The following FTO variants were observed in gnomAD, a reference collection of about 807,000 sequenced individuals.
FTO encodes the protein FTO alpha-ketoglutarate dependent dioxygenase, also known as alpha-ketoglutarate-dependent dioxygenase FTO.
Under a neutral mutation model 63.9 loss-of-function variants are expected in FTO, and 47 were observed. The ratio of observed to expected loss-of-function variants is 0.74; its 90% CI spans 0.58 to 0.94. The LOEUF (loss-of-function observed/expected upper bound fraction) is 0.94, where lower values mean the gene tolerates loss of function less well. Ranked by LOEUF, FTO falls within the 40% of genes least tolerant of loss-of-function variation. The pLI is 0.00. For synonymous variants in FTO, 207 were observed against 224.4 expected (o/e 0.92, Z 0.69); for missense variants, 562 against 618.1 (o/e 0.91, Z 0.96).
chr16:53,723,148 T>C (rs1472329836), intron 1 of FTO, among the ~76,000 whole-genome samples: 1 of 152,212 alleles, frequency 6.6e-6, no homozygotes, highest in African/African-American at 2.4e-5. Flanking sequence ...TTTGTAGCTG[T>C]AAAGATATAT....
chr16:53,935,179 A>G (rs1024312399), intron 8 of FTO, among the ~76,000 whole-genome samples: 3 of 152,222 alleles, frequency 2.0e-5, no homozygotes, highest in Non-Finnish European at 4.4e-5. Context: ...CAGGAAGCGT[A>G]TGGCATATTT....
intron 7 of FTO, among the ~76,000 whole-genome samples, chr16:53,921,708 G>A (rs1467048804): frequency 1.3e-5 from 2 of 152,186 alleles, no homozygotes; most frequent in Non-Finnish European, 1.5e-5. Flanking sequence ...GTATGTCCAT[G>A]TTTAATTCTA....
chr16:53,997,812 TGA>T (rs1482871288), intron 8 of FTO, among the ~76,000 whole-genome samples: 1 of 152,074 alleles, frequency 6.6e-6, no homozygotes, highest in African/African-American at 2.4e-5. Context: ...AGTGAATAAA[TGA>T]GAGGGGAGAA....
intron 8 of FTO, chr16:53,937,578 A>G (rs2082419273): frequency 7.7e-6 from 2 of 259,456 alleles, no homozygotes; most frequent in Non-Finnish European, 7.2e-6. Flanking sequence ...ATGATTACCA[A>G]ATTATATGGA....
At chr16:53,801,515 C>A (rs1026564758) in intron 1 of FTO, among the ~76,000 whole-genome samples, 5 of 152,042 alleles carry the variant, frequency 3.3e-5, no homozygotes, top group Non-Finnish European at 5.9e-5. Flanking sequence ...GTTACCATTT[C>A]TGATACTCTT....
Position 53,902,884 on chromosome 16 carries a change from G to A in FTO, c.1239+13933G>A, listed in dbSNP as rs139715190. On this transcript the variant is annotated intron_variant, in intron 7 of 8. Coordinates refer to ENST00000471389, the MANE Select transcript of FTO (RefSeq NM_001080432.3). ...ATTCTAGCTCTTAGAGAGACTGAGG[G>A]GCGAGGATCACTTCAGACTAAGAGT... is the stretch of plus-strand genomic sequence containing the variant. Among the ~76,000 whole-genome samples the A allele has an allele frequency of 1.5e-3, 230 of 152,260 alleles. 2 individuals carry two copies. The highest frequency in any genetic ancestry group is 5.3e-3 in the African/African-American group (219 of 41,550).
intron 8 of FTO, among the ~76,000 whole-genome samples, chr16:54,025,093 T>G (rs1346301194): frequency 6.6e-6 from 1 of 152,218 alleles, no homozygotes; most frequent in African/African-American, 2.4e-5. Context: ...GGGTCTTGAA[T>G]CCTTAATGAA....
chr16:54,032,798 G>T (rs571924934), intron 8 of FTO, among the ~76,000 whole-genome samples: 1 of 152,110 alleles, frequency 6.6e-6, no homozygotes, highest in African/African-American at 2.4e-5. Flanking sequence ...GGAGGTGTTT[G>T]GGTCCTGGGG....
chr16:54,049,043 A>G (rs1227792678), intron 8 of FTO, among the ~76,000 whole-genome samples: 2 of 151,898 alleles, frequency 1.3e-5, no homozygotes, highest in Non-Finnish European at 2.9e-5. Flanking sequence ...CCCAGCAGCC[A>G]GATGCCACTG....
At chr16:53,866,199 G>A (rs2080309410) in intron 4 of FTO, among the ~76,000 whole-genome samples, 4 of 152,016 alleles carry the variant, frequency 2.6e-5, no homozygotes, top group Admixed American at 2.6e-4. Context: ...GATTATATTA[G>A]TTGATTTTTG....
At chr16:54,110,050 C>A (rs191590078) in intron 8 of FTO, among the ~76,000 whole-genome samples, 3 of 152,246 alleles carry the variant, frequency 2.0e-5, no homozygotes, top group African/African-American at 7.2e-5. Flanking sequence ...TGTAATTAGT[C>A]GCAGCTTTCC....
chr16:53,934,236 A>ACG, intron 8 of FTO, 127 bp downstream of exon 8: 2 of 979,910 alleles, frequency 2.0e-6, no homozygotes, highest in Non-Finnish European at 3.2e-6. Flanking sequence ...CACGTTTAAG[A>ACG]TGCTTTCAGC....
At chr16:54,088,781 G>A (rs1324139043) in intron 8 of FTO, among the ~76,000 whole-genome samples, 1 of 152,154 alleles carries the variant, frequency 6.6e-6, no homozygotes, top group Non-Finnish European at 1.5e-5. Flanking sequence ...CATGTCCCTT[G>A]AACTACCACT....
intron 8 of FTO, among the ~76,000 whole-genome samples, chr16:54,103,033 G>T (rs749363920): frequency 6.6e-6 from 1 of 152,068 alleles, no homozygotes; most frequent in African/African-American, 2.4e-5. Context: ...ATGCCTGCCT[G>T]TACTCCCACC....
intron 8 of FTO, among the ~76,000 whole-genome samples, chr16:53,967,351 G>A (rs1198362398): frequency 1.3e-5 from 2 of 152,094 alleles, no homozygotes. Context: ...GTAGTCAGCT[G>A]GGATGTAATT....
intron 8 of FTO, among the ~76,000 whole-genome samples, chr16:53,987,455 C>T (rs1211948770): frequency 2.6e-5 from 4 of 151,910 alleles, no homozygotes; most frequent in East Asian, 3.9e-4. Flanking sequence ...TGGTGGCATG[C>T]GCCTGTAATC....
chr16:53,976,965 C>G (rs2083448908), intron 8 of FTO, among the ~76,000 whole-genome samples: 1 of 152,106 alleles, frequency 6.6e-6, no homozygotes, highest in South Asian at 2.1e-4. Context: ...TTGCCTTTCT[C>G]TCTCCAATGT....
intron 8 of FTO, among the ~76,000 whole-genome samples, chr16:54,050,264 A>T (rs1200642874): frequency 3.3e-5 from 5 of 152,214 alleles, no homozygotes; most frequent in African/African-American, 1.2e-4. Context: ...GAGAGATCAC[A>T]GTGGATCTGA....
intron 3 of FTO, among the ~76,000 whole-genome samples, chr16:53,839,819 A>ATTTATTTAT (rs753670237): frequency 3.6e-5 from 2 of 55,398 alleles, no homozygotes; most frequent in African/African-American, 1.1e-4. Flanking sequence ...TTATTTATTT[A>ATTTATTTAT]TTTTAAGGTG....
Sources: allele counts gnomAD v4.1 joint callset (sites outside exome capture counted in the v4.1 genomes callset), GRCh38; gene constraint gnomAD v4.1.1; transcripts MANE v1.5; gene names NCBI Gene and HGNC (gene_info 2026-07-23, HGNC 2026-07-21).